The following MRE11 variants were observed in gnomAD, a reference collection of about 807,000 sequenced individuals.
MRE11 encodes the protein double-strand break repair protein MRE11.
Under a neutral mutation model 91.7 loss-of-function variants are expected in MRE11, and 62 were observed. The ratio of observed to expected loss-of-function variants is 0.68; its 90% CI spans 0.55 to 0.84. The LOEUF (loss-of-function observed/expected upper bound fraction) is 0.84. Among genes scored for constraint, MRE11 ranks in the 40% least tolerant of loss-of-function variants. The pLI is 0.00. For synonymous variants in MRE11, 273 were observed against 271.4 expected (o/e 1.01, Z -0.06); for missense variants, 796 against 852.9 (o/e 0.93, Z 0.83).
intron 7 of MRE11, among the ~76,000 whole-genome samples, chr11:94,476,070 T>C (rs926006042): frequency 1.3e-5 from 2 of 152,228 alleles, no homozygotes; most frequent in African/African-American, 4.8e-5. Context: ...GGAGTATTCA[T>C]GTGTATGCCT....
intron 2 of MRE11, among the ~76,000 whole-genome samples, chr11:94,491,375 T>C (rs1048991850): frequency 2.0e-5 from 3 of 152,198 alleles, no homozygotes; most frequent in Non-Finnish European, 4.4e-5. Context: ...TATGAGTCAA[T>C]TTTATACTAA....
intron 8 of MRE11, 37 bp from the exon 9 acceptor site, chr11:94,470,679 A>T (rs773648530): frequency 2.9e-5 from 46 of 1,607,062 alleles, no homozygotes; most frequent in Middle Eastern, 1.7e-4. Context: ...GTCACAGTGT[A>T]AATTTCCTCA....
chr11:94,459,478 T>C lies in MRE11; in HGVS notation c.1430A>G (p.Gln477Arg), dbSNP rs778251498. 6.2e-7 allele frequency: 1 copy of C among 1,614,126 alleles called. No individual in the cohort carries two copies. The highest frequency in any genetic ancestry group is 8.5e-7 in the Non-Finnish European group (1 of 1,179,962). The change falls in exon 13 of 20, where the codon CAG becomes CGG. Residue 477 changes from glutamine (Q) to arginine (R), a missense_variant. Gln to Arg is a conservative substitution (Grantham distance 43). Coordinates refer to ENST00000323929, the MANE Select transcript of MRE11 (RefSeq NM_005591.4). Reference sequence around the variant, plus strand: ...AAGAAATCGCTGTGTTTTTTCCAACTGGTATTTCACTAATTCCTCAATGGC... The same window carrying C: ...AAGAAATCGCTGTGTTTTTTCCAACCGGTATTTCACTAATTCCTCAATGGC... ...KDAIEELVKY[Q>R]LEKTQRFLKE...
rs539706824 is a variant in MRE11, at chr11:94,474,322, A to G, written c.659+1967T>C. ...AGGTCATGACCTCAAAACAGATGGG[A>G]AGACATTGAAAGGACACAGAGGCCA... On this transcript the variant is annotated intron_variant, in intron 7 of 19. Coordinates refer to ENST00000323929, the MANE Select transcript of MRE11 (RefSeq NM_005591.4). Among the ~76,000 whole-genome samples the G allele has an allele frequency of 5.9e-3, 902 of 152,240 alleles. 4 individuals are homozygous for G. Among genetic ancestry groups the G allele is most frequent in the African/African-American group, 0.02 (815 of 41,566 alleles).
intron 16 of MRE11, among the ~76,000 whole-genome samples, chr11:94,440,829 G>C (rs1945761067): frequency 6.6e-6 from 1 of 151,968 alleles, no homozygotes; most frequent in Admixed American, 6.6e-5. Context: ...TGCAACTATA[G>C]TCTTTTACTT....
chr11:94,454,068 A>C (rs1946186182), intron 14 of MRE11, among the ~76,000 whole-genome samples: 1 of 150,280 alleles, frequency 6.7e-6, no homozygotes, highest in African/African-American at 2.5e-5. Flanking sequence ...CTATGTGAAC[A>C]AAAGATTTTT....
intron 19 of MRE11, among the ~76,000 whole-genome samples, chr11:94,420,971 A>T (rs1565196644): frequency 6.6e-6 from 1 of 151,952 alleles, no homozygotes; most frequent in Non-Finnish European, 1.5e-5. Context: ...GGCAGAGCTT[A>T]CAGTGAGCTG....
chr11:94,428,211 A>C (rs906346728), intron 19 of MRE11, among the ~76,000 whole-genome samples: 1 of 152,240 alleles, frequency 6.6e-6, no homozygotes, highest in Non-Finnish European at 1.5e-5. Context: ...CCAATGGAAC[A>C]GAACAGAGAA....
rs1005399068 is a variant in MRE11 at position 94,417,451 on chromosome 11, C to T, written c.*2674G>A. 3.3e-4 allele frequency: 76 copies of T among 232,806 alleles called. No homozygotes were observed. The highest frequency in any genetic ancestry group is 1.5e-3 in the African/African-American group (66 of 45,426). 14.4% of individuals were successfully genotyped at this position (232,806 alleles called of 1,614,324 possible). A position where few individuals can be genotyped will look rare whatever the true frequency, so the allele number is the denominator to read the frequency against. ...TAAAGCAAATTACATGATTAGAAGG[C>T]TAATTATGGTATTACTGCATAGGTT... On this transcript the variant is annotated 3_prime_UTR_variant, in exon 20 of 20. Transcript: ENST00000323929.
At chr11:94,496,685 T>C (rs372696272), upstream of MRE11, 3 of 1,568,276 alleles carry the variant, frequency 1.9e-6, no homozygotes, top group Non-Finnish European at 2.6e-6. Context: ...TTTAGAATAG[T>C]AGTAAAAAAT....
At chr11:94,464,057 T>C (rs912661096) in intron 11 of MRE11, 56 bp downstream of exon 11, 36 of 1,558,312 alleles carry the variant, frequency 2.3e-5, no homozygotes, top group Non-Finnish European at 2.8e-5. Flanking sequence ...TTAATAAAGA[T>C]TCCTTCACAA....
At chr11:94,474,741 G>A (rs924269997) in intron 7 of MRE11, among the ~76,000 whole-genome samples, 19 of 152,036 alleles carry the variant, frequency 1.2e-4, no homozygotes, top group Non-Finnish European at 1.6e-4. Context: ...TGATGAGGGG[G>A]GCAATGAGAA....
At position 94,435,889 on chromosome 11, in the gene MRE11, A is replaced by G. The variant is rs1555002076; in HGVS notation, c.1937T>C (p.Val646Ala). The G allele has an allele frequency of 6.2e-7, 1 of 1,613,780 alleles. No individual in the cohort carries two copies. Among genetic ancestry groups the G allele is most frequent in the Non-Finnish European group, 8.5e-7 (1 of 1,179,836 alleles). ...TTKNYSEVIE[V>A]DESDVEEDIF... ...GTCTTCTTCCACATCTGATTCATCT[A>G]CCTCAATCACCTGGCAAGGAAACAA... The change falls in exon 18 of 20, where the codon GTA (valine) becomes GCA (alanine). Residue 646 changes from valine (V) to alanine (A), a missense_variant. Transcript: ENST00000323929.
chr11:94,453,171 A>C (rs1946159662), intron 14 of MRE11, among the ~76,000 whole-genome samples: 2 of 152,146 alleles, frequency 1.3e-5, no homozygotes, highest in South Asian at 4.2e-4. Flanking sequence ...ATTCCTTTTC[A>C]AGACTGAATA....
At chr11:94,462,220 A>G (rs1200236250) in intron 11 of MRE11, among the ~76,000 whole-genome samples, 2 of 152,230 alleles carry the variant, frequency 1.3e-5, no homozygotes, top group Non-Finnish European at 1.5e-5. Context: ...TCCAATTTAC[A>G]AGGATATGAA....
At chr11:94,502,985 T>A in the MRE11 span, among the ~76,000 whole-genome samples, 71 of 152,320 alleles carry the variant, frequency 4.7e-4, 2 homozygotes, top group South Asian at 0.014. Context: ...ACTAAATCTA[T>A]TAATTATATT....
At chr11:94,431,695 T>A (rs1481117469) in intron 18 of MRE11, among the ~76,000 whole-genome samples, 4 of 152,198 alleles carry the variant, frequency 2.6e-5, no homozygotes, top group Non-Finnish European at 5.9e-5. Flanking sequence ...ATGGGGATGA[T>A]AAAGTTATAA....
At chr11:94,443,196 T>G (rs1488983567) in intron 16 of MRE11, among the ~76,000 whole-genome samples, 1 of 152,230 alleles carries the variant, frequency 6.6e-6, no homozygotes. Context: ...CATAGGTTAT[T>G]CTGCATAATG....
At chr11:94,493,358 C>A (rs542694969) in intron 1 of MRE11, among the ~76,000 whole-genome samples, 43 of 152,120 alleles carry the variant, frequency 2.8e-4, no homozygotes, top group Non-Finnish European at 6.0e-4. Context: ...AGGGAACGGG[C>A]CCGCGTTTAA....
Sources: allele counts gnomAD v4.1 joint callset (sites outside exome capture counted in the v4.1 genomes callset), GRCh38; gene constraint gnomAD v4.1.1; transcripts MANE v1.5; gene names NCBI Gene and HGNC (gene_info 2026-07-23, HGNC 2026-07-21).